The following TMEM164 variants were observed in gnomAD, a reference collection of about 807,000 sequenced individuals.
The protein encoded by TMEM164 is transmembrane protein 164, also known as RP13-360B22.2.
A neutral mutation model predicts 18.8 loss-of-function variants in TMEM164; 4 were observed. That is an observed-to-expected ratio of 0.21 (90% confidence interval 0.10 to 0.49). The LOEUF is 0.49. Among genes scored for constraint, TMEM164 ranks in the 20% least tolerant of loss-of-function variants. TMEM164 has a pLI of 0.98. For missense variants in TMEM164, 108 were observed against 239.9 expected (o/e 0.45, Z 3.63); for synonymous variants, 86 against 101.7 (o/e 0.85, Z 0.93).
At chrX:110,162,078 C>T (rs761651277) in intron 5 of TMEM164, among the ~76,000 whole-genome samples, 4 of 112,719 alleles carry the variant, frequency 3.5e-5, no homozygotes, top group Admixed American at 9.3e-5. Context: ...TGATTTTGAC[C>T]CACACTCAAG....
At chrX:110,143,448 T>C (rs2066801353) in intron 4 of TMEM164, among the ~76,000 whole-genome samples, 1 of 111,741 alleles carries the variant, frequency 8.9e-6, no homozygotes, top group East Asian at 2.8e-4. Context: ...ACAGTGATAC[T>C]TGGACTCTTA....
At position 110,163,735 on chromosome X, in the gene TMEM164, G is replaced by A. The variant is rs778421899; in HGVS notation, c.587-7685G>A. ...GAAGAAATTGTTGACATAAGATGAC[G>A]AAACAGTGACTGGAGTGATGCTGTT... On this transcript the variant is annotated intron_variant, in intron 5 of 6. Transcript: ENST00000372068. Among the ~76,000 whole-genome samples, 175 of 112,083 alleles carry A rather than the reference G, an allele frequency of 1.6e-3. 1 individual carries two copies. The highest frequency in any genetic ancestry group is 5.5e-3 in the African/African-American group (170 of 30,877).
intron 2 of TMEM164, among the ~76,000 whole-genome samples, chrX:110,048,471 A>G (rs1935408190): frequency 2.7e-5 from 3 of 111,760 alleles, no homozygotes; most frequent in African/African-American, 9.8e-5. Context: ...GTAGGTTCTT[A>G]ATAATGATAT....
intron 4 of TMEM164, among the ~76,000 whole-genome samples, chrX:110,114,112 C>T (rs2066328464): frequency 8.9e-6 from 1 of 111,870 alleles, no homozygotes; most frequent in South Asian, 3.7e-4. Context: ...GAACCCATAT[C>T]TCTTGACTGA....
intron 2 of TMEM164, among the ~76,000 whole-genome samples, chrX:110,051,196 C>T (rs930009905): frequency 9.9e-5 from 11 of 111,636 alleles, no homozygotes; most frequent in Middle Eastern, 4.6e-3. Flanking sequence ...GGATATTAAG[C>T]AGTGGGTAGA....
At chrX:110,083,783 T>G (rs1364586331) in intron 3 of TMEM164, among the ~76,000 whole-genome samples, 1 of 111,964 alleles carries the variant, frequency 8.9e-6, no homozygotes, top group African/African-American at 3.2e-5. Flanking sequence ...TGATAGTTTA[T>G]GATATTTATT....
chrX:110,078,380 G>A (rs867945693), intron 3 of TMEM164, among the ~76,000 whole-genome samples: 3 of 111,548 alleles, frequency 2.7e-5, no homozygotes, highest in Non-Finnish European at 5.6e-5. Context: ...GGCTTTCTTC[G>A]ATTGAGTTTC....
intron 3 of TMEM164, among the ~76,000 whole-genome samples, chrX:110,097,116 C>T (rs771230941): frequency 7.2e-5 from 8 of 111,627 alleles, no homozygotes; most frequent in South Asian, 3.8e-4. Context: ...GGATTACAGA[C>T]GCATGCCACC....
intron 2 of TMEM164, among the ~76,000 whole-genome samples, chrX:110,056,411 A>G (rs1394396359): frequency 8.9e-6 from 1 of 111,945 alleles, no homozygotes; most frequent in African/African-American, 3.3e-5. Context: ...GCCACATTTT[A>G]TGTATCCATT....
chrX:110,176,332 C>A lies in TMEM164; in HGVS notation c.*2881C>A. ...GCCCTCAGTATTTGGTTTTGTACACCAAAGATGATCTGGCCCATCTTCCTC... is the reference window on the plus strand; with the variant it reads ...GCCCTCAGTATTTGGTTTTGTACACAAAAGATGATCTGGCCCATCTTCCTC... On this transcript the variant is annotated 3_prime_UTR_variant, in exon 7 of 7. Transcript: ENST00000372068. The A allele has an allele frequency of 1.3e-6, 1 of 756,082 alleles. No individual in the cohort carries two copies. The highest frequency in any genetic ancestry group is 1.6e-6 in the Non-Finnish European group (1 of 639,420). The allele number at this position is 756,082 out of a possible 1,213,427, so 62.3% of individuals were successfully genotyped here.
chrX:110,109,943 T>G (rs1473214799), intron 4 of TMEM164, among the ~76,000 whole-genome samples: 1 of 112,852 alleles, frequency 8.9e-6, no homozygotes, highest in Non-Finnish European at 1.9e-5. Flanking sequence ...TTACTACTGC[T>G]TTCTGACTTA....
chrX:110,176,565 G>A lies in TMEM164; in HGVS notation c.*3114G>A. Reference sequence around the variant, plus strand: ...GTACAGTACCTCAGTCTAGCTGTCAGATCACCCCTTTTGCTGTAGCCTCTG... The same window carrying A: ...GTACAGTACCTCAGTCTAGCTGTCAAATCACCCCTTTTGCTGTAGCCTCTG... On this transcript the variant is annotated 3_prime_UTR_variant, in exon 7 of 7. Coordinates refer to ENST00000372068, the MANE Select transcript of TMEM164 (RefSeq NM_032227.4). 4.4e-6 allele frequency: 1 copy of A among 228,685 alleles called. No individual in the cohort carries two copies. Among genetic ancestry groups the A allele is most frequent in the Non-Finnish European group, 6.3e-6 (1 of 158,908 alleles). The allele number at this position is 228,685 out of a possible 1,213,427, so 18.8% of individuals were successfully genotyped here. A position where few individuals can be genotyped will look rare whatever the true frequency, so the allele number is the denominator to read the frequency against.
Position 110,175,826 on chromosome X carries a change from C to T in TMEM164, c.*2375C>T, listed in dbSNP as rs1448772381. On this transcript the variant is annotated 3_prime_UTR_variant, in exon 7 of 7. Transcript: ENST00000372068. Reference sequence around the variant, plus strand: ...ATAAGGCATCTGAACTGGTCCAGATCTCACTCTTATCTTGGGCCAAGCCAA... The same window carrying T: ...ATAAGGCATCTGAACTGGTCCAGATTTCACTCTTATCTTGGGCCAAGCCAA... 9 of 754,022 alleles carry T rather than the reference C, an allele frequency of 1.2e-5. No individual in the cohort carries two copies. The highest frequency in any genetic ancestry group is 1.3e-5 in the Non-Finnish European group (8 of 639,571). The allele number at this position is 754,022 out of a possible 1,213,427, so 62.1% of individuals were successfully genotyped here.
At chrX:110,099,077 C>T (rs752744485) in intron 3 of TMEM164, among the ~76,000 whole-genome samples, 185 of 108,381 alleles carry the variant, frequency 1.7e-3, no homozygotes, top group African/African-American at 6.0e-3. Context: ...GGATTACAGG[C>T]GTGAGCCACC....
chrX:110,029,629 G>T (rs1255327287), intron 2 of TMEM164, among the ~76,000 whole-genome samples: 1 of 111,958 alleles, frequency 8.9e-6, no homozygotes, highest in East Asian at 2.8e-4. Context: ...TTAGATTTTC[G>T]AATGGAATCA....
At chrX:110,090,225 C>T (rs1399251310) in intron 3 of TMEM164, among the ~76,000 whole-genome samples, 6 of 110,182 alleles carry the variant, frequency 5.4e-5, no homozygotes, top group South Asian at 3.9e-4. Flanking sequence ...TCTTTGTGTC[C>T]GCAGGCAAAG....
At chrX:110,017,864 C>T (rs377425100) in intron 2 of TMEM164, among the ~76,000 whole-genome samples, 2 of 110,945 alleles carry the variant, frequency 1.8e-5, no homozygotes, top group African/African-American at 6.6e-5. Flanking sequence ...CCACTGCGCC[C>T]GGCCTGCAGG....
At chrX:110,143,178 C>A (rs2066795287) in intron 4 of TMEM164, among the ~76,000 whole-genome samples, 1 of 112,386 alleles carries the variant, frequency 8.9e-6, no homozygotes, top group Admixed American at 9.4e-5. Flanking sequence ...GTTAATAACC[C>A]TTTTGCACCT....
intron 6 of TMEM164, 121 bp from the exon 7 acceptor site, chrX:110,173,124 G>C: frequency 3.0e-6 from 2 of 676,008 alleles, no homozygotes; most frequent in Non-Finnish European, 4.6e-6. Context: ...TTTATAAACA[G>C]GTGGGGATTG....
Sources: gnomAD v4.1 joint callset for allele counts (sites outside exome capture counted in the v4.1 genomes callset) on GRCh38, gnomAD v4.1.1 for gene constraint, MANE v1.5 for transcripts, NCBI Gene and HGNC (gene_info 2026-07-23, HGNC 2026-07-21) for gene names.